PLA2G12B: variants seen among roughly 807,000 people sequenced by gnomAD.
PLA2G12B encodes the protein phospholipase A2 group XIIB, also known as group XIIB secretory phospholipase A2-like protein.
Under a neutral mutation model 22.3 loss-of-function variants are expected in PLA2G12B, and 19 were observed. The observed-to-expected ratio is 0.85, with a 90% CI of 0.60 to 1.25. The LOEUF (loss-of-function observed/expected upper bound fraction) is 1.25. PLA2G12B is among the 50% of genes most tolerant of loss of function. The pLI is 0.00. For missense variants in PLA2G12B, 191 were observed against 246.6 expected (o/e 0.77, Z 1.51); for synonymous variants, 81 against 94.9 (o/e 0.85, Z 0.85).
intron 3 of PLA2G12B, among the ~76,000 whole-genome samples, chr10:72,939,115 C>A (rs750709077): frequency 2.0e-5 from 3 of 152,052 alleles, no homozygotes; most frequent in Non-Finnish European, 2.9e-5. Context: ...CGTTAATGGC[C>A]CTGGGGCTCC....
At chr10:72,954,433 C>T in intron 1 of PLA2G12B, 42 bp downstream of exon 1, 1 of 1,613,126 alleles carries the variant, frequency 6.2e-7, no homozygotes, top group Admixed American at 1.7e-5. Flanking sequence ...TCCATGGGTC[C>T]ACCAGCAACA....
intron 2 of PLA2G12B, 117 bp from the exon 3 acceptor site, chr10:72,941,451 A>T: frequency 1.0e-6 from 1 of 984,102 alleles, no homozygotes; most frequent in Non-Finnish European, 1.5e-6. Flanking sequence ...TTTCTGTTGC[A>T]TATCCCGATC....
Position 72,947,948 on chromosome 10 carries a change from C to A in PLA2G12B, c.212-5208G>T, listed in dbSNP as rs181225601. Among the ~76,000 whole-genome samples the A allele has an allele frequency of 9.1e-4, 138 of 152,314 alleles. 1 individual carries two copies. In the Middle Eastern group the frequency reaches 0.017, roughly 19 times the overall value. ...CCACACTCAAGATAGCGTTTCAGCT[C>A]ACTACAACCTCCGCCTCCTGTGTTC... On this transcript the variant is annotated intron_variant, in intron 1 of 3. Coordinates refer to ENST00000373032, the MANE Select transcript of PLA2G12B (RefSeq NM_032562.5).
At chr10:72,951,811 G>T (rs914592003) in intron 1 of PLA2G12B, among the ~76,000 whole-genome samples, 4 of 152,118 alleles carry the variant, frequency 2.6e-5, no homozygotes, top group Admixed American at 6.5e-5. Context: ...ACACACGCTG[G>T]ATCTTGTCAT....
chr10:72,937,838 C>A (rs968366341), intron 3 of PLA2G12B, among the ~76,000 whole-genome samples: 1 of 151,956 alleles, frequency 6.6e-6, no homozygotes, highest in African/African-American at 2.4e-5. Flanking sequence ...CACTTTTTCA[C>A]GATAAAAACA....
At chr10:72,946,918 T>C (rs528515773) in intron 1 of PLA2G12B, among the ~76,000 whole-genome samples, 1 of 151,990 alleles carries the variant, frequency 6.6e-6, no homozygotes, top group Admixed American at 6.6e-5. Context: ...TTTGTTTTCA[T>C]CTTCTTTTTT....
At chr10:72,947,363 C>T (rs1320256354) in intron 1 of PLA2G12B, among the ~76,000 whole-genome samples, 1 of 152,150 alleles carries the variant, frequency 6.6e-6, no homozygotes, top group Non-Finnish European at 1.5e-5. Flanking sequence ...CCTCAGCCTC[C>T]CTAGTAGCTG....
At chr10:72,939,050 T>C (rs1242435152) in intron 3 of PLA2G12B, among the ~76,000 whole-genome samples, 1 of 152,140 alleles carries the variant, frequency 6.6e-6, no homozygotes, top group Non-Finnish European at 1.5e-5. Context: ...GTTCTAGAGG[T>C]AGAAAGTAGA....
intron 2 of PLA2G12B, among the ~76,000 whole-genome samples, chr10:72,941,813 C>CGT (rs57931341): frequency 7.9e-4 from 118 of 148,802 alleles, no homozygotes; most frequent in African/African-American, 1.9e-3. Context: ...TAAGGGTGTG[C>CGT]GTGTGTGTGT....
intron 1 of PLA2G12B, among the ~76,000 whole-genome samples, chr10:72,948,592 T>TATAGG (rs1281849245): frequency 1.3e-5 from 2 of 152,208 alleles, no homozygotes; most frequent in East Asian, 3.8e-4. Flanking sequence ...TGGAGCTGTT[T>TATAGG]ATAGGAGTGA....
chr10:72,954,321 T>G (rs749164440), intron 1 of PLA2G12B, among the ~76,000 whole-genome samples, 154 bp downstream of exon 1: 4 of 152,208 alleles, frequency 2.6e-5, no homozygotes, highest in Non-Finnish European at 4.4e-5. Flanking sequence ...TATTTGGATT[T>G]CACATTTCAC....
At chr10:72,941,962 G>A (rs1039200586) in intron 2 of PLA2G12B, among the ~76,000 whole-genome samples, 14 of 152,076 alleles carry the variant, frequency 9.2e-5, no homozygotes, top group Non-Finnish European at 1.2e-4. Context: ...TGTAAATGTA[G>A]TGGCATAAAC....
Position 72,954,599 on chromosome 10 carries a change from C to G in PLA2G12B, c.87G>C (p.Glu29Asp), listed in dbSNP as rs559878903. The G allele has an allele frequency of 1.7e-4, 277 of 1,614,192 alleles. 2 individuals are homozygous for G. The South Asian group carries it at 2.9e-3, about 17-fold the overall frequency. ...GCCGAAGGCCCCAGTCTGAATAGGACTCCTCCGTGTCAGGGCTCGTGTCGC... is the reference window on the plus strand; with the variant it reads ...GCCGAAGGCCCCAGTCTGAATAGGAGTCCTCCGTGTCAGGGCTCGTGTCGC... ...AQSDTSPDTEESYSDWGLRHL... is the reference protein window; with the variant it reads ...AQSDTSPDTEDSYSDWGLRHL... The change falls in exon 1 of 4, where the codon GAG becomes GAC. Residue 29 changes from glutamate to aspartate, a missense_variant. Coordinates refer to ENST00000373032, the MANE Select transcript of PLA2G12B (RefSeq NM_032562.5).
intron 1 of PLA2G12B, 48 bp from the exon 2 acceptor site, chr10:72,942,788 C>G (rs1174786620): frequency 8.2e-6 from 12 of 1,463,316 alleles, no homozygotes; most frequent in Non-Finnish European, 1.1e-5. Flanking sequence ...ATTTAGAAAT[C>G]AAGCATTTGG....
intron 3 of PLA2G12B, among the ~76,000 whole-genome samples, chr10:72,936,729 C>T (rs1649893012): frequency 6.6e-6 from 1 of 152,004 alleles, no homozygotes; most frequent in Non-Finnish European, 1.5e-5. Flanking sequence ...GAAGTGTATA[C>T]TTTTAAAGGG....
chr10:72,941,776 TC>T lies in PLA2G12B; in HGVS notation c.301-443del, dbSNP rs567770744. 2.4e-4 allele frequency among the ~76,000 whole-genome samples: 37 copies of T among 152,130 alleles called. 1 individual carries two copies. The South Asian group carries it at 7.5e-3, about 31-fold the overall frequency. On this transcript the variant is annotated intron_variant, in intron 2 of 3. Coordinates refer to ENST00000373032, the MANE Select transcript of PLA2G12B (RefSeq NM_032562.5). ...AATTCAGCCTCCGTTCATCAAAAGA[TC>T]ACCAGCATCCCAGACAGCACTATTT... is the stretch of plus-strand genomic sequence containing the variant.
intron 1 of PLA2G12B, among the ~76,000 whole-genome samples, chr10:72,951,187 T>C (rs923268159): frequency 1.2e-4 from 19 of 152,192 alleles, no homozygotes; most frequent in African/African-American, 2.4e-5. Context: ...ACATTATTTT[T>C]ACATATTTGA....
chr10:72,953,012 T>C (rs776568880), intron 1 of PLA2G12B, among the ~76,000 whole-genome samples: 3 of 152,222 alleles, frequency 2.0e-5, no homozygotes, highest in Non-Finnish European at 4.4e-5. Flanking sequence ...AAAACACCTG[T>C]GTTGATTCCA....
At chr10:72,947,244 T>C (rs1285413515) in intron 1 of PLA2G12B, among the ~76,000 whole-genome samples, 1 of 151,714 alleles carries the variant, frequency 6.6e-6, no homozygotes, top group Admixed American at 6.6e-5. Context: ...TTTCTTATTT[T>C]ATTTTATTTT....
Sources: allele counts gnomAD v4.1 joint callset (sites outside exome capture counted in the v4.1 genomes callset), GRCh38; gene constraint gnomAD v4.1.1; transcripts MANE v1.5; gene names NCBI Gene and HGNC (gene_info 2026-07-23, HGNC 2026-07-21).